AGAP1: variants seen among roughly 807,000 people sequenced by gnomAD.
AGAP1 encodes the protein arf-GAP with GTPase, ANK repeat and PH domain-containing protein 1.
A neutral mutation model predicts 105.3 loss-of-function variants in AGAP1; 29 were observed. The ratio of observed to expected loss-of-function variants is 0.28; its 90% confidence interval spans 0.21 to 0.38. AGAP1 has a LOEUF of 0.38. Ranked by LOEUF, AGAP1 falls within the 10% of genes least tolerant of loss-of-function variation. AGAP1 has a pLI of 1.00. For missense variants in AGAP1, 998 were observed against 1,165.1 expected (o/e 0.86, Z 2.09); for synonymous variants, 509 against 485.9 (o/e 1.05, Z -0.63).
In AGAP1 at chr2:235,893,573, C is replaced by G. The variant is rs371830106; in HGVS notation, c.1155+10124C>G. On this transcript the variant is annotated intron_variant, in intron 10 of 17. Coordinates refer to ENST00000304032, the MANE Select transcript of AGAP1 (RefSeq NM_001037131.3). This position sits in a 1 kb window ranked among gnomAD's most constrained non-coding sequence, Gnocchi z 4.7. ...GTGTGCCGTGTCCATCATGAGGGTG[C>G]GCCGTGTCCGTCATGCAGATGTGCC... 1.8e-4 allele frequency among the ~76,000 whole-genome samples: 27 copies of G among 151,920 alleles called. No homozygotes were observed. Among genetic ancestry groups the G allele is most frequent in the Admixed American group, 2.0e-4 (3 of 15,254 alleles).
intron 11 of AGAP1, among the ~76,000 whole-genome samples, chr2:235,928,997 T>C (rs1446849996): frequency 6.6e-6 from 1 of 152,156 alleles, no homozygotes; most frequent in African/African-American, 2.4e-5. Context: ...GCTGTGTGTT[T>C]CTAGGGCGTT....
rs1945673106 is a variant in AGAP1, at chr2:235,599,916, C to G, written c.163+105067C>G. ...GATGAGGAAAATAATTTCTGAGAAA[C>G]TGACTCAGGGAAGTGCCTGTGTTCA... On this transcript the variant is annotated intron_variant, in intron 1 of 17. Transcript: ENST00000304032. This position sits in a 1 kb window ranked among gnomAD's most constrained non-coding sequence, Gnocchi z 5.3. Among the ~76,000 whole-genome samples the G allele has an allele frequency of 6.6e-6, 1 of 152,208 alleles. No individual in the cohort carries two copies. The highest frequency in any genetic ancestry group is 1.5e-5 in the Non-Finnish European group (1 of 68,038).
intron 11 of AGAP1, among the ~76,000 whole-genome samples, chr2:235,910,558 G>C (rs77897075): frequency 3.3e-5 from 5 of 152,158 alleles, no homozygotes; most frequent in Non-Finnish European, 7.3e-5. Flanking sequence ...AAAACAATCC[G>C]TAGTGAGTAA....
intron 1 of AGAP1, among the ~76,000 whole-genome samples, chr2:235,593,551 A>G (rs967086976): frequency 3.9e-5 from 6 of 152,142 alleles, no homozygotes; most frequent in Non-Finnish European, 7.3e-5. Context: ...ATGCCTGCCA[A>G]CTCTACAACT....
At chr2:235,873,539 G>T (rs1325528281) in intron 9 of AGAP1, among the ~76,000 whole-genome samples, 1 of 152,108 alleles carries the variant, frequency 6.6e-6, no homozygotes, top group Non-Finnish European at 1.5e-5. Context: ...TGCAGACATG[G>T]ACTCTCTGAC....
chr2:235,652,203 G>C (rs890811909), intron 1 of AGAP1, among the ~76,000 whole-genome samples: 53 of 152,256 alleles, frequency 3.5e-4, no homozygotes, highest in African/African-American at 1.3e-3. Flanking sequence ...AAGCTTGATT[G>C]AATGTCCTGT....
rs148745780 is a variant in AGAP1, at chr2:235,549,540, G to A, written c.163+54691G>A. ...AGATGGTGTTGGCAGCCTTTTTCAC[G>A]TACAGAGTTGCATTGCTCCTCCGTC... On this transcript the variant is annotated intron_variant, in intron 1 of 17. Transcript: ENST00000304032. This position sits in a 1 kb window ranked among gnomAD's most constrained non-coding sequence, Gnocchi z 4.2. 4.6e-5 allele frequency among the ~76,000 whole-genome samples: 7 copies of A among 152,136 alleles called. No homozygotes were observed. Among genetic ancestry groups the A allele is most frequent in the African/African-American group, 7.2e-5 (3 of 41,422 alleles).
chr2:235,592,231 T>C (rs550369716), intron 1 of AGAP1, among the ~76,000 whole-genome samples: 106 of 152,326 alleles, frequency 7.0e-4, no homozygotes, highest in African/African-American at 2.5e-3. Context: ...CCTCCTCCAC[T>C]GCCCTGGCCA....
chr2:235,836,514 C>G (rs1218138002), intron 9 of AGAP1, among the ~76,000 whole-genome samples: 1 of 152,214 alleles, frequency 6.6e-6, no homozygotes, highest in Non-Finnish European at 1.5e-5. Context: ...AGTACAGGTT[C>G]ACACTGTGAT....
intron 1 of AGAP1, among the ~76,000 whole-genome samples, chr2:235,532,954 C>T (rs955429797): frequency 9.9e-5 from 15 of 152,176 alleles, no homozygotes; most frequent in East Asian, 3.9e-4. Context: ...TGGTTTGATT[C>T]TGTCATTGAT....
Position 235,582,498 on chromosome 2 carries a change from G to A in AGAP1, c.163+87649G>A, listed in dbSNP as rs559307771. ...TGATGAAGCCCTCTTGAGTCAGATC[G>A]TGGGGTTGGTTGGTCATGCGTGTAA... is the stretch of plus-strand genomic sequence containing the variant. On this transcript the variant is annotated intron_variant, in intron 1 of 17. Transcript: ENST00000304032. The surrounding 1 kb of genome is among the most constrained non-coding windows in gnomAD (Gnocchi z 4.7). Among the ~76,000 whole-genome samples, 19 of 152,216 alleles carry A rather than the reference G, an allele frequency of 1.2e-4. No homozygotes were observed. The highest frequency in any genetic ancestry group is 1.7e-4 in the African/African-American group (7 of 41,454).
chr2:235,738,234 T>C (rs1371258546), intron 3 of AGAP1, among the ~76,000 whole-genome samples: 1 of 151,992 alleles, frequency 6.6e-6, no homozygotes, highest in Non-Finnish European at 1.5e-5. Flanking sequence ...TTAAAAACAC[T>C]TGGGGGTGAG....
rs150148044 is a variant in AGAP1, at chr2:235,747,831, T to C, written c.539-2523T>C. ...CACCTGGCATTTCTCTTCCTGCTGCTTTGGGGTAGGCAGCGTTAGAGGTCA... is the reference window on the plus strand; with the variant it reads ...CACCTGGCATTTCTCTTCCTGCTGCCTTGGGGTAGGCAGCGTTAGAGGTCA... On this transcript the variant is annotated intron_variant, in intron 5 of 17. Transcript: ENST00000304032. The surrounding 1 kb of genome is among the most constrained non-coding windows in gnomAD (Gnocchi z 5.0). Among the ~76,000 whole-genome samples, 35 of 152,326 alleles carry C rather than the reference T, an allele frequency of 2.3e-4. No individual in the cohort carries two copies. Among genetic ancestry groups the C allele is most frequent in the African/African-American group, 7.7e-4 (32 of 41,576 alleles).
In AGAP1 at chr2:236,107,102, C is replaced by T. The variant is rs376130622; in HGVS notation, c.2115-13090C>T. On this transcript the variant is annotated intron_variant, in intron 16 of 17. Coordinates refer to ENST00000304032, the MANE Select transcript of AGAP1 (RefSeq NM_001037131.3). ...AGCTGCTTTCTGTCCTCTCTTTACC[C>T]GTTCCCCCCCGCCCCACCCCCGCCA... Among the ~76,000 whole-genome samples, 41 of 152,170 alleles carry T rather than the reference C, an allele frequency of 2.7e-4. No individual in the cohort carries two copies. In the East Asian group the frequency reaches 7.8e-3, roughly 29 times the overall value.
At chr2:235,859,064 C>G (rs2048803977) in intron 9 of AGAP1, among the ~76,000 whole-genome samples, 1 of 152,216 alleles carries the variant, frequency 6.6e-6, no homozygotes, top group South Asian at 2.1e-4. Flanking sequence ...ACCCTTTGTA[C>G]TGGTGCCGGG....
At chr2:235,516,189 C>T (rs1010768748) in intron 1 of AGAP1, among the ~76,000 whole-genome samples, 6 of 152,062 alleles carry the variant, frequency 3.9e-5, no homozygotes, top group East Asian at 1.9e-4. Flanking sequence ...CCTCTGGGCA[C>T]GTGGCTCCTC....
chr2:235,812,315 C>G (rs1229544700), intron 9 of AGAP1, among the ~76,000 whole-genome samples: 1 of 152,198 alleles, frequency 6.6e-6, no homozygotes, highest in Non-Finnish European at 1.5e-5. Context: ...GCCGGCCTGC[C>G]CGGGGCAAGC....
intron 1 of AGAP1, among the ~76,000 whole-genome samples, chr2:235,560,478 C>T (rs1944112371): frequency 1.3e-5 from 2 of 152,068 alleles, no homozygotes; most frequent in African/African-American, 4.8e-5. Context: ...GCAAAAGGGA[C>T]TTTACGGATG....
In AGAP1 at chr2:235,953,964, T is replaced by G. The variant is rs1350280883; in HGVS notation, c.1484-14498T>G. Among the ~76,000 whole-genome samples, 1 of 152,096 alleles carries G rather than the reference T, an allele frequency of 6.6e-6. No individual in the cohort carries two copies. Among genetic ancestry groups the G allele is most frequent in the African/African-American group, 2.4e-5 (1 of 41,404 alleles). On this transcript the variant is annotated intron_variant, in intron 12 of 17. Transcript: ENST00000304032. The surrounding 1 kb of genome is among the most constrained non-coding windows in gnomAD (Gnocchi z 5.2). ...TAAAAATCAGGCCAGGCACAGTGGC[T>G]TATGCCTGTAATGCCAACATTTTGG...
Sources: gnomAD v4.1 joint callset for allele counts (sites outside exome capture counted in the v4.1 genomes callset) on GRCh38, gnomAD v4.1.1 for gene constraint, Gnocchi (gnomAD v3.1) non-coding constraint, MANE v1.5 for transcripts, NCBI Gene and HGNC (gene_info 2026-07-23, HGNC 2026-07-21) for gene names.